The following TMEM132D variants were observed in gnomAD, a reference collection of about 807,000 sequenced individuals.
TMEM132D encodes the protein transmembrane protein 132D.
A neutral mutation model predicts 62.3 loss-of-function variants in TMEM132D; 21 were observed. That is an observed-to-expected ratio of 0.34 (90% CI 0.24 to 0.49). TMEM132D has a LOEUF of 0.49. Ranked by LOEUF, TMEM132D falls within the 20% of genes least tolerant of loss-of-function variation. TMEM132D has a pLI of 0.99. For missense variants in TMEM132D, 1,346 were observed against 1,402.8 expected (o/e 0.96, Z 0.65); for synonymous variants, 621 against 575.6 (o/e 1.08, Z -1.13).
intron 1 of TMEM132D, among the ~76,000 whole-genome samples, chr12:129,720,276 C>T (rs1417811679): frequency 6.6e-6 from 1 of 152,128 alleles, no homozygotes; most frequent in African/African-American, 2.4e-5. Context: ...CTTATACACT[C>T]TACCTTTCAG....
intron 1 of TMEM132D, among the ~76,000 whole-genome samples, chr12:129,733,188 A>T (rs892280476): frequency 3.3e-5 from 5 of 152,164 alleles, no homozygotes; most frequent in Admixed American, 6.5e-5. Context: ...GGGAAGGCCC[A>T]GATTGTAGCC....
intron 1 of TMEM132D, among the ~76,000 whole-genome samples, chr12:129,870,208 C>A (rs1259100162): frequency 6.6e-6 from 1 of 152,092 alleles, no homozygotes; most frequent in African/African-American, 2.4e-5. Context: ...GTCTAGAACC[C>A]CTGGGCTCAA....
chr12:129,893,067 G>C (rs1163595593), intron 1 of TMEM132D, among the ~76,000 whole-genome samples: 1 of 152,110 alleles, frequency 6.6e-6, no homozygotes, highest in East Asian at 1.9e-4. Flanking sequence ...AGTAGAGACA[G>C]GGTTTCATCA....
chr12:129,137,362 A>AAT (rs1491504750), intron 5 of TMEM132D, among the ~76,000 whole-genome samples: 3 of 152,174 alleles, frequency 2.0e-5, no homozygotes, highest in African/African-American at 7.2e-5. Flanking sequence ...CTAACTCAAT[A>AAT]AATGCCCTGA....
intron 5 of TMEM132D, among the ~76,000 whole-genome samples, chr12:129,090,626 C>A (rs189736963): frequency 2.6e-4 from 40 of 152,088 alleles, no homozygotes; most frequent in Admixed American, 5.9e-4. Flanking sequence ...CAAGATTGTG[C>A]CACTGCACTC....
In TMEM132D at chr12:129,175,400, C is replaced by T. The variant is rs573319835; in HGVS notation, c.1443+34120G>A. ...ACCACTTATTGCCAATCTGGTATTGCGTATGTCACTTACAGTATGTATCTC... is the reference window on the plus strand; with the variant it reads ...ACCACTTATTGCCAATCTGGTATTGTGTATGTCACTTACAGTATGTATCTC... On this transcript the variant is annotated intron_variant, in intron 5 of 8. Transcript: ENST00000422113. 6.6e-5 allele frequency among the ~76,000 whole-genome samples: 10 copies of T among 152,168 alleles called. No individual in the cohort carries two copies. The East Asian group carries it at 9.6e-4, about 15-fold the overall frequency.
chr12:129,238,367 A>G (rs1593307174), intron 4 of TMEM132D, among the ~76,000 whole-genome samples: 1 of 152,308 alleles, frequency 6.6e-6, no homozygotes, highest in East Asian at 1.9e-4. Flanking sequence ...CAATTTAACC[A>G]TTTTCAAGTG....
chr12:129,765,297 T>TGG (rs1365572093), intron 1 of TMEM132D, among the ~76,000 whole-genome samples: 1 of 152,154 alleles, frequency 6.6e-6, no homozygotes, highest in African/African-American at 2.4e-5. Flanking sequence ...TCAGGTGCGG[T>TGG]GGCTCATGCC....
chr12:129,303,892 T>C (rs1881780373), intron 4 of TMEM132D, among the ~76,000 whole-genome samples: 1 of 152,074 alleles, frequency 6.6e-6, no homozygotes, highest in Admixed American at 6.5e-5. Flanking sequence ...GGAGCTCCAA[T>C]GCCTGAGGGC....
chr12:129,176,556 G>C (rs1428534142), intron 5 of TMEM132D, among the ~76,000 whole-genome samples: 1 of 152,190 alleles, frequency 6.6e-6, no homozygotes, highest in East Asian at 1.9e-4. Flanking sequence ...TCTAGGGAGG[G>C]GACTCCTTGC....
intron 1 of TMEM132D, among the ~76,000 whole-genome samples, chr12:129,782,037 C>G (rs1160234115): frequency 6.6e-6 from 1 of 152,142 alleles, no homozygotes; most frequent in Non-Finnish European, 1.5e-5. Flanking sequence ...GTTAATGTCT[C>G]ATATGATCCC....
intron 5 of TMEM132D, among the ~76,000 whole-genome samples, chr12:129,148,309 AAT>A (rs1220345156): frequency 6.6e-6 from 1 of 152,184 alleles, no homozygotes. Context: ...GGAACCGGTA[AAT>A]ATGTCACCTT....
intron 1 of TMEM132D, among the ~76,000 whole-genome samples, chr12:129,806,549 G>C (rs1871988604): frequency 1.8e-5 from 2 of 113,856 alleles, no homozygotes; most frequent in South Asian, 3.9e-4. Context: ...GTTGTGGGGT[G>C]GGGGGAGGGG....
At chr12:129,817,333 G>A (rs1356238318) in intron 1 of TMEM132D, among the ~76,000 whole-genome samples, 1 of 152,186 alleles carries the variant, frequency 6.6e-6, no homozygotes, top group Middle Eastern at 3.2e-3. Context: ...GGTCCACAGA[G>A]TTCTGCTAGT....
intron 2 of TMEM132D, among the ~76,000 whole-genome samples, chr12:129,618,185 T>C (rs1237283234): frequency 6.6e-6 from 1 of 152,234 alleles, no homozygotes; most frequent in Non-Finnish European, 1.5e-5. Flanking sequence ...GAGGGTCCTA[T>C]TCCAGTAAGT....
chr12:129,597,046 T>G (rs1878356515), intron 2 of TMEM132D, among the ~76,000 whole-genome samples: 1 of 152,242 alleles, frequency 6.6e-6, no homozygotes, highest in South Asian at 2.1e-4. Flanking sequence ...GTTCCCTGAC[T>G]ACACATTTTT....
chr12:129,411,784 C>A (rs1296396335), intron 3 of TMEM132D, among the ~76,000 whole-genome samples: 1 of 152,242 alleles, frequency 6.6e-6, no homozygotes, highest in Non-Finnish European at 1.5e-5. Flanking sequence ...ACATCATCAT[C>A]TCGCTTTCAT....
At chr12:129,111,960 C>T (rs1469170504) in intron 5 of TMEM132D, among the ~76,000 whole-genome samples, 1 of 152,162 alleles carries the variant, frequency 6.6e-6, no homozygotes, top group East Asian at 1.9e-4. Context: ...CACTCTTCAT[C>T]ATGATGCCCG....
chr12:129,382,645 A>G (rs565836738), intron 3 of TMEM132D, among the ~76,000 whole-genome samples: 27 of 152,344 alleles, frequency 1.8e-4, no homozygotes, highest in African/African-American at 6.0e-4. Flanking sequence ...TCTGAGCACC[A>G]AAAGTCCATT....
Sources: gnomAD v4.1 joint callset for allele counts (sites outside exome capture counted in the v4.1 genomes callset) on GRCh38, gnomAD v4.1.1 for gene constraint, MANE v1.5 for transcripts, NCBI Gene and HGNC (gene_info 2026-07-23, HGNC 2026-07-21) for gene names.